Variants in MSRA observed in about 807,000 individuals in gnomAD.
MSRA encodes methionine sulfoxide reductase A.
A neutral mutation model predicts 31.3 loss-of-function variants in MSRA; 54 were observed. That is an observed-to-expected ratio of 1.73 (90% CI 1.39 to 2.17). MSRA has a LOEUF of 2.17. Among genes scored for constraint, MSRA ranks in the 30% most tolerant of loss-of-function variants. The pLI is 0.00. For synonymous variants in MSRA, 169 were observed against 116.5 expected, an observed-to-expected ratio of 1.45 and a Z score of -2.90; for missense variants, 507 against 300.9, an observed-to-expected ratio of 1.69 and a Z score of -5.07.
intron 4 of MSRA, among the ~76,000 whole-genome samples, chr8:10,306,035 A>T (rs1801122002): frequency 1.3e-5 from 2 of 152,216 alleles, no homozygotes; most frequent in African/African-American, 4.8e-5. Flanking sequence ...TCATGGGATG[A>T]AGATAGTTCC....
intron 1 of MSRA, among the ~76,000 whole-genome samples, chr8:10,197,186 T>C (rs1413066956): frequency 6.6e-6 from 1 of 152,162 alleles, no homozygotes; most frequent in African/African-American, 2.4e-5. Context: ...TTACTTGTGT[T>C]AATAGTGGTG....
intron 4 of MSRA, among the ~76,000 whole-genome samples, chr8:10,307,262 G>C (rs80302975): frequency 6.1e-4 from 92 of 151,524 alleles, no homozygotes; most frequent in African/African-American, 2.1e-3. Flanking sequence ...TGCCTCCCAA[G>C]CTCAAGACAT....
intron 2 of MSRA, among the ~76,000 whole-genome samples, chr8:10,219,351 A>G (rs932098206): frequency 5.9e-5 from 9 of 152,176 alleles, no homozygotes; most frequent in African/African-American, 2.2e-4. Flanking sequence ...GTTCGTGGTT[A>G]TCACTGCCAA....
chr8:10,083,641 T>C (rs1332860875), intron 1 of MSRA, among the ~76,000 whole-genome samples: 3 of 152,354 alleles, frequency 2.0e-5, no homozygotes, highest in African/African-American at 7.2e-5. Context: ...TTTTAAGTTT[T>C]TTAGTCTTTT....
chr8:10,312,104 G>A (rs1056978473), intron 4 of MSRA, among the ~76,000 whole-genome samples: 7 of 152,232 alleles, frequency 4.6e-5, no homozygotes, highest in Middle Eastern at 3.4e-3. Context: ...TGAGCTAAGC[G>A]TCCATCTCAA....
At chr8:10,065,877 A>G (rs917946730) in intron 1 of MSRA, among the ~76,000 whole-genome samples, 2 of 152,002 alleles carry the variant, frequency 1.3e-5, no homozygotes, top group African/African-American at 4.8e-5. Flanking sequence ...CAGTGGCGCT[A>G]AGAGTCAACT....
At chr8:10,311,337 A>G (rs1215664398) in intron 4 of MSRA, among the ~76,000 whole-genome samples, 1 of 152,228 alleles carries the variant, frequency 6.6e-6, no homozygotes, top group East Asian at 1.9e-4. Flanking sequence ...AGAGGATTAG[A>G]TATATCTTTA....
At chr8:10,391,042 C>A (rs969358972) in intron 5 of MSRA, among the ~76,000 whole-genome samples, 2 of 151,422 alleles carry the variant, frequency 1.3e-5, no homozygotes, top group Admixed American at 6.6e-5. Flanking sequence ...CCTACCTATT[C>A]TCAAATGTAC....
At chr8:10,100,942 C>A (rs1030282771) in intron 1 of MSRA, among the ~76,000 whole-genome samples, 17 of 152,032 alleles carry the variant, frequency 1.1e-4, no homozygotes, top group Admixed American at 1.1e-3. Flanking sequence ...TTCTTTTATC[C>A]TTGTCTATCA....
chr8:10,391,129 A>T (rs780591692), intron 5 of MSRA, among the ~76,000 whole-genome samples: 1 of 152,250 alleles, frequency 6.6e-6, no homozygotes, highest in Non-Finnish European at 1.5e-5. Flanking sequence ...TTCTCACTCT[A>T]TTGGAAGAAC....
Position 10,128,556 on chromosome 8 carries a change from G to A in MSRA, c.142+73898G>A, listed in dbSNP as rs1024163159. Among the ~76,000 whole-genome samples, 35 of 152,254 alleles carry A rather than the reference G, an allele frequency of 2.3e-4. 1 individual carries two copies. The highest frequency in any genetic ancestry group is 7.9e-4 in the African/African-American group (33 of 41,538). On this transcript the variant is annotated intron_variant, in intron 1 of 5. Transcript: ENST00000317173. ...CTCCTGGGGCATCACAGCTGAGGCT[G>A]GTGTAGGCTCACTAGTAGCCCAGCC... is the stretch of plus-strand genomic sequence containing the variant.
chr8:10,076,224 T>A (rs768853031), intron 1 of MSRA, among the ~76,000 whole-genome samples: 20 of 152,324 alleles, frequency 1.3e-4, no homozygotes, highest in Middle Eastern at 3.4e-3. Flanking sequence ...TTGCACAGAA[T>A]GTTTGTTTTG....
intron 2 of MSRA, among the ~76,000 whole-genome samples, chr8:10,240,734 C>G (rs60799349): frequency 0.032 from 4,850 of 152,194 alleles, 97 homozygotes; most frequent in African/African-American, 0.057. Context: ...TTTCCCTTAC[C>G]CCTGTCTTTC....
chr8:10,056,769 G>A (rs1802396721), intron 1 of MSRA, among the ~76,000 whole-genome samples: 1 of 152,042 alleles, frequency 6.6e-6, no homozygotes, highest in Non-Finnish European at 1.5e-5. Flanking sequence ...TTCTGAATGT[G>A]GAATTCACCT....
chr8:10,405,712 T>C (rs2129185969), intron 5 of MSRA, among the ~76,000 whole-genome samples: 1 of 152,310 alleles, frequency 6.6e-6, no homozygotes, highest in Non-Finnish European at 1.5e-5. Context: ...TACACAACCA[T>C]GTGCTCACAC....
At chr8:10,373,412 A>G (rs895646438) in intron 5 of MSRA, among the ~76,000 whole-genome samples, 6 of 152,226 alleles carry the variant, frequency 3.9e-5, no homozygotes, top group Non-Finnish European at 7.3e-5. Context: ...TGTGTTGCAC[A>G]GGCATGTGCG....
At chr8:10,327,604 G>A (rs908648911) in intron 5 of MSRA, among the ~76,000 whole-genome samples, 3 of 152,040 alleles carry the variant, frequency 2.0e-5, no homozygotes, top group Non-Finnish European at 2.9e-5. Flanking sequence ...GTTTTGTTGC[G>A]GGGAGGCGGG....
chr8:10,342,554 G>A (rs1803494402), intron 5 of MSRA, among the ~76,000 whole-genome samples: 2 of 152,236 alleles, frequency 1.3e-5, no homozygotes, highest in African/African-American at 2.4e-5. Flanking sequence ...TGATTGCACA[G>A]GTTACCCAAC....
chr8:10,370,036 A>C (rs1805390323), intron 5 of MSRA, among the ~76,000 whole-genome samples: 1 of 152,238 alleles, frequency 6.6e-6, no homozygotes, highest in Admixed American at 6.5e-5. Context: ...AATCTTCAGT[A>C]GTAGTGTTGC....
Sources: allele counts gnomAD v4.1 joint callset (sites outside exome capture counted in the v4.1 genomes callset), GRCh38; gene constraint gnomAD v4.1.1; transcripts MANE v1.5; gene names NCBI Gene and HGNC (gene_info 2026-07-23, HGNC 2026-07-21).